The following HADH variants were observed in gnomAD, a reference collection of about 807,000 sequenced individuals.
HADH encodes the protein hydroxyacyl-CoA dehydrogenase, also known as hydroxyacyl-coenzyme A dehydrogenase, mitochondrial.
A neutral mutation model predicts 32.2 loss-of-function variants in HADH; 24 were observed. The observed-to-expected ratio is 0.75, with a 90% confidence interval of 0.54 to 1.05. The LOEUF is 1.05. Among genes scored for constraint, HADH ranks in the 50% least tolerant of loss-of-function variants. The pLI is 0.00. For synonymous variants in HADH, 139 were observed against 152.5 expected (o/e 0.91, Z 0.65); for missense variants, 350 against 397.1 (o/e 0.88, Z 1.01).
chr4:108,017,328 T>G (rs1699710402), intron 3 of HADH, among the ~76,000 whole-genome samples: 1 of 152,166 alleles, frequency 6.6e-6, no homozygotes, highest in South Asian at 2.1e-4. Flanking sequence ...AAGTCCTGAC[T>G]TTCCCCTTTA....
chr4:108,027,911 C>T (rs1432946193), intron 6 of HADH, 151 bp downstream of exon 6: 5 of 679,340 alleles, frequency 7.4e-6, no homozygotes, highest in African/African-American at 7.2e-5. Flanking sequence ...CACCCTGAGC[C>T]CTGGTACCTT....
intron 6 of HADH, chr4:108,032,258 T>TG: frequency 2.0e-6 from 2 of 986,954 alleles, no homozygotes; most frequent in South Asian, 3.1e-5. Context: ...AAAGGCCTCT[T>TG]GGGGCCAAAG....
chr4:108,004,268 A>T (rs905972633), intron 1 of HADH, among the ~76,000 whole-genome samples: 2 of 152,230 alleles, frequency 1.3e-5, no homozygotes, highest in African/African-American at 4.8e-5. Flanking sequence ...CAGTGAAGGA[A>T]TGAATGCAGT....
chr4:108,018,996 CTTGTT>C (rs1735792647), intron 3 of HADH, among the ~76,000 whole-genome samples: 3 of 152,008 alleles, frequency 2.0e-5, no homozygotes, highest in Non-Finnish European at 1.5e-5. Context: ...TGTTGGTGTT[CTTGTT>C]TTCATTTTAA....
chr4:108,004,815 G>A (rs1193506162), intron 1 of HADH: 22 of 1,535,758 alleles, frequency 1.4e-5, no homozygotes, highest in Non-Finnish European at 1.5e-5. Flanking sequence ...TTCAAGACCT[G>A]GGTGTCTGCT....
chr4:108,009,860 AAAG>A lies in HADH; in HGVS notation c.241_243del (p.Lys81del), dbSNP rs763318550. On this transcript the variant is annotated inframe_deletion, in exon 2 of 8. Transcript: ENST00000309522. The stretch of plus-strand genomic sequence containing the variant: ...TTGAGGAAAGCCTTAGGAAAGTGGC[AAAG>A]AAGAAGTTTGCAGAAAACCTTAAGG... 3 of 1,611,914 alleles carry A rather than the reference AAAG, an allele frequency of 1.9e-6. No individual in the cohort carries two copies. The highest frequency in any genetic ancestry group is 3.3e-5 in the Admixed American group (2 of 60,024).
rs1320877461 is a variant in HADH at position 108,010,016 on chromosome 4, A to G, written c.261+129A>G. On this transcript the variant is annotated intron_variant, in intron 2 of 7. Coordinates refer to ENST00000309522, the MANE Select transcript of HADH (RefSeq NM_005327.7). Reference sequence around the variant, plus strand: ...TTTTCAGTTTGTTAGTGTAAAACTCATTTTTCCATAACTTTAAACCAATAT... The same window carrying G: ...TTTTCAGTTTGTTAGTGTAAAACTCGTTTTTCCATAACTTTAAACCAATAT... The G allele has an allele frequency of 6.0e-6, 4 of 663,556 alleles. 1 individual carries two copies. The highest frequency in any genetic ancestry group is 1.0e-5 in the Non-Finnish European group (4 of 389,632). 41.1% of individuals were successfully genotyped at this position (663,556 alleles called of 1,614,324 possible).
chr4:108,004,508 T>G, intron 1 of HADH: 1 of 533,000 alleles, frequency 1.9e-6, no homozygotes, highest in East Asian at 5.4e-5. Context: ...GCTGCCTGGC[T>G]TCCAAGAGAA....
chr4:108,032,513 G>A (rs1435925457), intron 6 of HADH: 1 of 577,926 alleles, frequency 1.7e-6, no homozygotes, highest in Non-Finnish European at 3.2e-6. Flanking sequence ...TTCTTTTTAA[G>A]AAAGTTTATT....
At chr4:108,012,950 G>T (rs779315581) in intron 2 of HADH, among the ~76,000 whole-genome samples, 2 of 152,054 alleles carry the variant, frequency 1.3e-5, no homozygotes, top group Non-Finnish European at 2.9e-5. Context: ...TTTTTGTTGA[G>T]ACGGAGGAGT....
At chr4:107,993,098 A>C (rs1300838423) in intron 1 of HADH, among the ~76,000 whole-genome samples, 1 of 152,252 alleles carries the variant, frequency 6.6e-6, no homozygotes, top group Non-Finnish European at 1.5e-5. Context: ...CCTGGGCAAC[A>C]GAGCGAGACT....
At chr4:108,017,841 G>T (rs549662753) in intron 3 of HADH, among the ~76,000 whole-genome samples, 9 of 152,282 alleles carry the variant, frequency 5.9e-5, no homozygotes, top group Admixed American at 5.2e-4. Context: ...GAGCCACCGT[G>T]CCCAGCCCAG....
chr4:108,006,629 T>C (rs2126224581), intron 1 of HADH, among the ~76,000 whole-genome samples: 1 of 152,070 alleles, frequency 6.6e-6, no homozygotes, highest in Middle Eastern at 3.4e-3. Flanking sequence ...GGGTCTGGAG[T>C]GGAGTCTGAG....
rs145447553 is a variant in HADH at position 107,996,767 on chromosome 4, G to A, written c.132+6703G>A. On this transcript the variant is annotated intron_variant, in intron 1 of 7. Transcript: ENST00000309522. The stretch of plus-strand genomic sequence containing the variant: ...AAATTAGCTGAGCATGGTGACACAT[G>A]CCTGCAGTCCCAGCTATTCAGGAGA... Among the ~76,000 whole-genome samples, 63 of 152,182 alleles carry A rather than the reference G, an allele frequency of 4.1e-4. No homozygotes were observed. In the East Asian group the frequency reaches 8.3e-3, roughly 20 times the overall value.
intron 5 of HADH, chr4:108,027,475 A>C: frequency 3.3e-6 from 2 of 614,608 alleles, no homozygotes; most frequent in Non-Finnish European, 5.9e-6. Flanking sequence ...GCAGTGGGGC[A>C]TCTGGGTTTG....
chr4:108,022,010 G>A (rs1735899875), intron 4 of HADH, among the ~76,000 whole-genome samples: 1 of 152,156 alleles, frequency 6.6e-6, no homozygotes. Context: ...TTAGTTCACC[G>A]AGTCAGACGG....
At chr4:108,004,691 G>A (rs1735233701) in intron 1 of HADH, 2 of 1,526,638 alleles carry the variant, frequency 1.3e-6, no homozygotes, top group African/African-American at 2.7e-5. Context: ...GCAGCAATGA[G>A]GGATAATTCT....
At chr4:108,014,285 G>C (rs1578254680) in intron 2 of HADH, 146 bp from the exon 3 acceptor site, 1 of 808,066 alleles carries the variant, frequency 1.2e-6, no homozygotes. Flanking sequence ...TAAATTACAG[G>C]CTTCGTGGAC....
intron 1 of HADH, among the ~76,000 whole-genome samples, chr4:107,995,237 C>T (rs1260074385): frequency 1.3e-5 from 2 of 152,196 alleles, no homozygotes; most frequent in Non-Finnish European, 2.9e-5. Context: ...AGATGCTAGC[C>T]TTCCTATCCT....
Sources: allele counts gnomAD v4.1 joint callset (sites outside exome capture counted in the v4.1 genomes callset), GRCh38; gene constraint gnomAD v4.1.1; transcripts MANE v1.5; gene names NCBI Gene and HGNC (gene_info 2026-07-23, HGNC 2026-07-21).